TDRD5: variants seen among roughly 807,000 people sequenced by gnomAD.
TDRD5 encodes the protein tudor domain containing 5.
Under a neutral mutation model 120.6 loss-of-function variants are expected in TDRD5, and 41 were observed. The ratio of observed to expected loss-of-function variants is 0.34; its 90% CI spans 0.26 to 0.44. TDRD5 has a LOEUF of 0.44. Among genes scored for constraint, TDRD5 ranks in the 20% least tolerant of loss-of-function variants. TDRD5 has a pLI of 1.00. For synonymous variants in TDRD5, 430 were observed against 433.7 expected (o/e 0.99, Z 0.11); for missense variants, 1,006 against 1,221.2 (o/e 0.82, Z 2.63).
rs1451321142 is a variant in TDRD5, at chr1:179,675,267, A to ATT, written c.2860+5864_2860+5865dup. ...AGTTCAAAGAATTTTTATTATTATT[A>ATT]TTATTATTTTTTTTTTTTTTTTTTT... On this transcript the variant is annotated intron_variant, in intron 17 of 17. Transcript: ENST00000444136. Among the ~76,000 whole-genome samples the ATT allele has an allele frequency of 9.2e-3, 254 of 27,560 alleles. 3 individuals carry two copies. Among genetic ancestry groups the ATT allele is most frequent in the Admixed American group, 0.013 (28 of 2,198 alleles). 18.1% of individuals were successfully genotyped at this position (27,560 alleles called of 152,430 possible). A position where few individuals can be genotyped will look rare whatever the true frequency, so the allele number is the denominator to read the frequency against.
intron 8 of TDRD5, among the ~76,000 whole-genome samples, chr1:179,635,302 T>C (rs1677702837): frequency 6.6e-6 from 1 of 152,240 alleles, no homozygotes; most frequent in South Asian, 2.1e-4. Context: ...TACCTTTGAC[T>C]GCTGATATGA....
intron 4 of TDRD5, among the ~76,000 whole-genome samples, chr1:179,613,426 A>G (rs915244419): frequency 1.6e-4 from 25 of 152,188 alleles, no homozygotes; most frequent in African/African-American, 5.8e-4. Flanking sequence ...CTTTAGTCAA[A>G]TAAGTCAGAC....
chr1:179,687,040 C>T (rs1261746449), intron 17 of TDRD5, among the ~76,000 whole-genome samples: 1 of 152,178 alleles, frequency 6.6e-6, no homozygotes, highest in East Asian at 1.9e-4. Context: ...GTCTCTATCT[C>T]CTTCAGTTCT....
chr1:179,641,566 T>G (rs528700583), intron 11 of TDRD5, among the ~76,000 whole-genome samples: 1 of 151,754 alleles, frequency 6.6e-6, no homozygotes, highest in Admixed American at 6.6e-5. Context: ...AGAAAAAAAA[T>G]TACCTATAAT....
chr1:179,603,318 GCAAA>G (rs1485913895), intron 4 of TDRD5, among the ~76,000 whole-genome samples: 2 of 152,110 alleles, frequency 1.3e-5, no homozygotes, highest in Admixed American at 6.5e-5. Context: ...CATATTGTCA[GCAAA>G]CAATGACAAT....
At position 179,605,063 on chromosome 1, in the gene TDRD5, G is replaced by T. The variant is rs141013072; in HGVS notation, c.831+9245G>T. Among the ~76,000 whole-genome samples the T allele has an allele frequency of 2.2e-3, 339 of 152,172 alleles. 6 individuals carry two copies. Among genetic ancestry groups the T allele is most frequent in the African/African-American group, 7.7e-3 (320 of 41,482 alleles). On this transcript the variant is annotated intron_variant, in intron 4 of 17. Transcript: ENST00000444136. ...ATAAATTTGGGAGCTCCAGTGTTAG[G>T]TGCATATATGTTTAGGATTGTGATA...
chr1:179,652,345 TTA>T (rs1286973574), intron 13 of TDRD5, 148 bp downstream of exon 13: 27 of 811,490 alleles, frequency 3.3e-5, no homozygotes, highest in Admixed American at 1.9e-4. Flanking sequence ...ATTTGCTGGC[TTA>T]AGTGTTTGCT....
chr1:179,644,056 A>G (rs1199932820), intron 11 of TDRD5, among the ~76,000 whole-genome samples: 4 of 151,384 alleles, frequency 2.6e-5, no homozygotes, highest in Middle Eastern at 3.4e-3. Context: ...GGAATTCTAT[A>G]TCTAGTGAAA....
intron 17 of TDRD5, among the ~76,000 whole-genome samples, chr1:179,676,561 T>C (rs554697449): frequency 6.6e-6 from 1 of 152,364 alleles, no homozygotes; most frequent in African/African-American, 2.4e-5. Flanking sequence ...GCGAAGTCTC[T>C]CAGCATTTGT....
At chr1:179,650,421 A>T (rs1024555995) in intron 11 of TDRD5, among the ~76,000 whole-genome samples, 2 of 151,484 alleles carry the variant, frequency 1.3e-5, no homozygotes, top group Non-Finnish European at 2.9e-5. Flanking sequence ...AAAAAAAAAA[A>T]AAGTTCAAAT....
chr1:179,678,644 T>C (rs1191337392), intron 17 of TDRD5, among the ~76,000 whole-genome samples: 1 of 152,236 alleles, frequency 6.6e-6, no homozygotes, highest in African/African-American at 2.4e-5. Flanking sequence ...CATCTTTTGT[T>C]AAATTTATCC....
At chr1:179,669,836 ATTATGTGTAGTTT>A (rs1679763145) in intron 17 of TDRD5, among the ~76,000 whole-genome samples, 1 of 152,192 alleles carries the variant, frequency 6.6e-6, no homozygotes, top group African/African-American at 2.4e-5. Context: ...TATAAATGGA[ATTATGTGTAGTTT>A]TTATGTCTGG....
chr1:179,593,843 G>C lies in TDRD5; in HGVS notation c.616G>C (p.Glu206Gln). The C allele has an allele frequency of 6.2e-7, 1 of 1,613,450 alleles. No individual in the cohort carries two copies. Among genetic ancestry groups the C allele is most frequent in the African/African-American group, 1.3e-5 (1 of 75,002 alleles). Reference protein sequence around the residue: ...LLMLKKSVTEEKPRGCPAGKI... With the variant: ...LLMLKKSVTEQKPRGCPAGKI... ...GATGCTAAAGAAGAGTGTAACAGAG[G>C]AAAAGCCGAGAGGATGTCCAGCAGG... Residue 206 changes from glutamate to glutamine, a missense_variant, in exon 3 of 18, where the codon GAA (glutamate) becomes CAA (glutamine). Glu to Gln is a conservative substitution (Grantham distance 29, BLOSUM62 2). Coordinates refer to ENST00000444136, the MANE Select transcript of TDRD5 (RefSeq NM_001199085.3).
chr1:179,660,479 C>G (rs1679254625), intron 14 of TDRD5, among the ~76,000 whole-genome samples: 2 of 151,942 alleles, frequency 1.3e-5, no homozygotes, highest in African/African-American at 4.8e-5. Flanking sequence ...CTTGACTTCC[C>G]AAAGTACTGT....
In TDRD5 at chr1:179,634,934, G is replaced by A. The variant is rs534077756; in HGVS notation, c.1299+305G>A. Among the ~76,000 whole-genome samples, 27 of 152,246 alleles carry A rather than the reference G, an allele frequency of 1.8e-4. 1 individual carries two copies. In the East Asian group the frequency reaches 4.1e-3, roughly 23 times the overall value. On this transcript the variant is annotated intron_variant, in intron 8 of 17. Transcript: ENST00000444136. Reference sequence around the variant, plus strand: ...TTAGAGGGAAAACTTGAGAGGCTTCGTTTTGGCTGTGTGCCTCAACGCTGC... The same window carrying A: ...TTAGAGGGAAAACTTGAGAGGCTTCATTTTGGCTGTGTGCCTCAACGCTGC...
At chr1:179,651,980 T>C (rs1021025255) in intron 12 of TDRD5, 59 bp from the exon 13 acceptor site, 1 of 1,554,416 alleles carries the variant, frequency 6.4e-7, no homozygotes, top group Non-Finnish European at 8.8e-7. Flanking sequence ...AAGTGCTTTC[T>C]CGCCCTTTTT....
chr1:179,595,843 T>A, intron 4 of TDRD5, 25 bp downstream of exon 4: 1 of 1,574,656 alleles, frequency 6.4e-7, no homozygotes, highest in Non-Finnish European at 8.6e-7. Context: ...TTTGGAGATA[T>A]AAATATACGA....
intron 9 of TDRD5, among the ~76,000 whole-genome samples, chr1:179,637,098 C>T (rs769290401): frequency 6.6e-6 from 1 of 152,152 alleles, no homozygotes; most frequent in Non-Finnish European, 1.5e-5. Context: ...ACAACAATGT[C>T]TGATTTATAA....
rs1489239311 is a variant in TDRD5, at chr1:179,630,694, C to A, written c.973-73C>A. 3.4e-6 allele frequency: 5 copies of A among 1,488,648 alleles called. No individual in the cohort carries two copies. The African/African-American group carries it at 4.2e-5, about 13-fold the overall frequency. 92.2% of individuals were successfully genotyped at this position (1,488,648 alleles called of 1,614,324 possible). A position where few individuals can be genotyped will look rare whatever the true frequency, so the allele number is the denominator to read the frequency against. Reference sequence around the variant, plus strand: ...ACCCTTTAAGATTTAGTTTGGTTGTCCAAGGACAACTATATATGTTATATA... The same window carrying A: ...ACCCTTTAAGATTTAGTTTGGTTGTACAAGGACAACTATATATGTTATATA... On this transcript the variant is annotated intron_variant, in intron 6 of 17. Coordinates refer to ENST00000444136, the MANE Select transcript of TDRD5 (RefSeq NM_001199085.3).
Sources: gnomAD v4.1 joint callset for allele counts (sites outside exome capture counted in the v4.1 genomes callset) on GRCh38, gnomAD v4.1.1 for gene constraint, MANE v1.5 for transcripts, NCBI Gene and HGNC (gene_info 2026-07-23, HGNC 2026-07-21) for gene names.